The following BTRC variants were observed in gnomAD, a reference collection of about 807,000 sequenced individuals.
BTRC encodes the protein beta-transducin repeat containing E3 ubiquitin protein ligase.
BTRC carries 42 observed loss-of-function variants against 85.5 expected under a neutral mutation model. That is an observed-to-expected ratio of 0.49 (90% CI 0.38 to 0.64). The LOEUF (loss-of-function observed/expected upper bound fraction) is 0.64, where lower values mean the gene tolerates loss of function less well. Ranked by LOEUF, BTRC falls within the 30% of genes least tolerant of loss-of-function variation. The pLI is 0.00. For synonymous variants in BTRC, 255 were observed against 263.3 expected, an observed-to-expected ratio of 0.97 and a Z score of 0.30; for missense variants, 594 against 743.5, an observed-to-expected ratio of 0.80 and a Z score of 2.34.
chr10:101,418,538 A>G (rs1252391246), intron 1 of BTRC, among the ~76,000 whole-genome samples: 1 of 152,056 alleles, frequency 6.6e-6, no homozygotes, highest in Non-Finnish European at 1.5e-5. Flanking sequence ...GAGCTCCAGT[A>G]TTTCAGAGTG....
At position 101,531,304 on chromosome 10, in the gene BTRC, C is replaced by T. The variant is rs751086036; in HGVS notation, c.811C>T (p.Leu271Phe). 6.2e-6 allele frequency: 10 copies of T among 1,610,054 alleles called. No individual in the cohort carries two copies. Among genetic ancestry groups the T allele is most frequent in the African/African-American group, 1.3e-5 (1 of 74,930 alleles). The change falls in exon 7 of 15, where the codon CTT becomes TTT. Residue 271 changes from leucine (L) to phenylalanine (F), a missense_variant. Coordinates refer to ENST00000370187, the MANE Select transcript of BTRC (RefSeq NM_033637.4). ...NAPPNSFYRALYPKIIQDIET... is the reference protein window; with the variant it reads ...NAPPNSFYRAFYPKIIQDIET... ...TCCTCCCAACTCTTTTTATAGAGCA[C>T]TTTATCCTAAAATTATACAAGACAT... is the stretch of plus-strand genomic sequence containing the variant.
chr10:101,527,259 T>C lies in BTRC; in HGVS notation c.743+1060T>C, dbSNP rs74153249. On this transcript the variant is annotated intron_variant, in intron 6 of 14. Transcript: ENST00000370187. Reference sequence around the variant, plus strand: ...TCATGGGCCAGCTTTCCTTTGAATTTTCATGAAAAAGTAGTTGGCTCTCTT... The same window carrying C: ...TCATGGGCCAGCTTTCCTTTGAATTCTCATGAAAAAGTAGTTGGCTCTCTT... Among the ~76,000 whole-genome samples the C allele has an allele frequency of 4.4e-3, 674 of 152,326 alleles. 9 individuals are homozygous for C. Among genetic ancestry groups the C allele is most frequent in the African/African-American group, 0.015 (640 of 41,570 alleles).
At chr10:101,482,292 A>AT (rs1305188118) in intron 4 of BTRC, among the ~76,000 whole-genome samples, 1 of 151,378 alleles carries the variant, frequency 6.6e-6, no homozygotes, top group Non-Finnish European at 1.5e-5. Context: ...AAGTGCTGGG[A>AT]TTACAGGTGT....
chr10:101,511,401 T>TTA (rs2061951394), intron 4 of BTRC, among the ~76,000 whole-genome samples: 1 of 152,116 alleles, frequency 6.6e-6, no homozygotes, highest in Non-Finnish European at 1.5e-5. Context: ...GCTGCACTCT[T>TTA]TACTTCTTTT....
At chr10:101,446,128 G>A (rs1004555921) in intron 2 of BTRC, among the ~76,000 whole-genome samples, 65 of 22,084 alleles carry the variant, frequency 2.9e-3, no homozygotes, top group African/African-American at 0.012. Context: ...AACCCCCTCC[G>A]TGCTCAGAAG....
At chr10:101,462,273 G>A (rs973614025) in intron 3 of BTRC, among the ~76,000 whole-genome samples, 1 of 152,126 alleles carries the variant, frequency 6.6e-6, no homozygotes, top group Non-Finnish European at 1.5e-5. Context: ...CAGCTGGTTG[G>A]CATTTTTAAA....
intron 1 of BTRC, among the ~76,000 whole-genome samples, chr10:101,423,691 C>A (rs150537044): frequency 1.3e-5 from 2 of 152,094 alleles, no homozygotes; most frequent in Non-Finnish European, 2.9e-5. Flanking sequence ...ACTAATAATT[C>A]TTTGACAAGA....
At chr10:101,476,625 ATT>A (rs1245165290) in intron 3 of BTRC, among the ~76,000 whole-genome samples, 2 of 143,352 alleles carry the variant, frequency 1.4e-5, no homozygotes. Flanking sequence ...CGCCCAGTTA[ATT>A]TTTTTTTTTT....
At chr10:101,505,871 T>C (rs1192757877) in intron 4 of BTRC, among the ~76,000 whole-genome samples, 5 of 152,138 alleles carry the variant, frequency 3.3e-5, no homozygotes, top group African/African-American at 9.7e-5. Flanking sequence ...GATTTGATCC[T>C]TTTTGAAGAT....
At chr10:101,440,021 G>A (rs1041745211) in intron 2 of BTRC, among the ~76,000 whole-genome samples, 2 of 152,236 alleles carry the variant, frequency 1.3e-5, no homozygotes, top group Non-Finnish European at 2.9e-5. Flanking sequence ...TTTAAAATTT[G>A]GGGAAGAAAA....
intron 1 of BTRC, among the ~76,000 whole-genome samples, chr10:101,376,780 G>A (rs1243437284): frequency 6.6e-6 from 1 of 152,062 alleles, no homozygotes; most frequent in Non-Finnish European, 1.5e-5. Flanking sequence ...AGGGTAAGGT[G>A]GTGGTGGTGG....
At chr10:101,527,795 TACACAC>T (rs5787437) in intron 6 of BTRC, among the ~76,000 whole-genome samples, 95 of 145,418 alleles carry the variant, frequency 6.5e-4, no homozygotes, top group African/African-American at 2.1e-3. Flanking sequence ...CTCTCTCACA[TACACAC>T]ACACACACAC....
At chr10:101,475,952 TA>T (rs1340640045) in intron 3 of BTRC, among the ~76,000 whole-genome samples, 17 of 138,402 alleles carry the variant, frequency 1.2e-4, no homozygotes, top group African/African-American at 3.3e-4. Flanking sequence ...TATATATATA[TA>T]TTCAGTAATT....
rs2062112291 is a variant in BTRC at position 101,521,946 on chromosome 10, CT to C, written c.556+79del. ...ACTAGATCTCCAGCTATATATCTCT[CT>C]TTAAAAGTCTTTATTGGCTTGATTT... On this transcript the variant is annotated intron_variant, in intron 5 of 14. Transcript: ENST00000370187. 10 of 966,372 alleles carry C rather than the reference CT, an allele frequency of 1.0e-5. No homozygotes were observed. The East Asian group carries it at 3.2e-4, about 30-fold the overall frequency. The allele number at this position is 966,372 out of a possible 1,614,324, so 59.9% of individuals were successfully genotyped here. A position where few individuals can be genotyped will look rare whatever the true frequency, so the allele number is the denominator to read the frequency against.
At position 101,360,209 on chromosome 10, in the gene BTRC, C is replaced by A. The variant is rs370051607; in HGVS notation, c.48+5981C>A. Among the ~76,000 whole-genome samples the A allele has an allele frequency of 7.2e-5, 11 of 152,102 alleles. No individual in the cohort carries two copies. In the East Asian group the frequency reaches 2.1e-3, roughly 29 times the overall value. ...AGCTGGGAATACAGGCATGTGCCAC[C>A]ACGCCCAGCTAAATTTTGTGTTTTT... On this transcript the variant is annotated intron_variant, in intron 1 of 14. Transcript: ENST00000370187.
intron 1 of BTRC, among the ~76,000 whole-genome samples, chr10:101,416,106 G>A (rs1943939789): frequency 6.6e-6 from 1 of 152,150 alleles, no homozygotes; most frequent in Admixed American, 6.5e-5. Flanking sequence ...TCACATGACT[G>A]TATTTGTCTT....
chr10:101,461,699 T>G (rs1488314742), intron 2 of BTRC, among the ~76,000 whole-genome samples: 1 of 152,168 alleles, frequency 6.6e-6, no homozygotes, highest in East Asian at 1.9e-4. Flanking sequence ...TCAACCTGTG[T>G]CAAAGTGCAA....
chr10:101,366,741 C>T (rs1271818869), intron 1 of BTRC, among the ~76,000 whole-genome samples: 2 of 124,470 alleles, frequency 1.6e-5, no homozygotes, highest in Non-Finnish European at 3.2e-5. Flanking sequence ...AAATTGGAGG[C>T]CCAGGGAGTT....
intron 4 of BTRC, among the ~76,000 whole-genome samples, chr10:101,483,081 C>T (rs1475723893): frequency 6.6e-6 from 1 of 152,118 alleles, no homozygotes; most frequent in East Asian, 1.9e-4. Context: ...CTATTTATTT[C>T]CCTAAAAGCA....
Sources: allele counts gnomAD v4.1 joint callset (sites outside exome capture counted in the v4.1 genomes callset), GRCh38; gene constraint gnomAD v4.1.1; transcripts MANE v1.5; gene names NCBI Gene and HGNC (gene_info 2026-07-23, HGNC 2026-07-21).